Variants in FAM174B observed in about 807,000 individuals in gnomAD.
The protein encoded by FAM174B is family with sequence similarity 174 member B.
FAM174B carries 12 observed loss-of-function variants against 10.9 expected under a neutral mutation model. The observed-to-expected ratio is 1.10, with a 90% CI of 0.71 to 1.79. The LOEUF (loss-of-function observed/expected upper bound fraction) is 1.79, where lower values mean the gene tolerates loss of function less well. FAM174B is among the 40% of genes most tolerant of loss of function. The pLI is 0.00. For missense variants in FAM174B, 266 were observed against 233.3 expected (o/e 1.14, Z -0.91); for synonymous variants, 132 against 115.8 (o/e 1.14, Z -0.90).
At chr15:92,630,044 G>T in intron 2 of FAM174B, 170 bp downstream of exon 2, 1 of 519,318 alleles carries the variant, frequency 1.9e-6, no homozygotes. Flanking sequence ...TTTATTAGCA[G>T]CATGAAAATG....
chr15:92,644,038 G>T (rs888257034), intron 1 of FAM174B, among the ~76,000 whole-genome samples: 1 of 152,118 alleles, frequency 6.6e-6, no homozygotes, highest in Non-Finnish European at 1.5e-5. Context: ...TTTACCCTCT[G>T]AGCTCTACGC....
chr15:92,629,421 C>T (rs953137525), intron 2 of FAM174B, among the ~76,000 whole-genome samples: 16 of 152,190 alleles, frequency 1.1e-4, no homozygotes, highest in African/African-American at 1.7e-4. Context: ...TGGAGCTCAT[C>T]GGTAAACTCC....
At chr15:92,630,107 C>T in intron 2 of FAM174B, 107 bp downstream of exon 2, 3 of 1,178,280 alleles carry the variant, frequency 2.5e-6, no homozygotes, top group East Asian at 2.4e-5. Flanking sequence ...CCCCAGGACC[C>T]AACACTTCAC....
At chr15:92,635,006 C>G (rs2050844137) in intron 1 of FAM174B, among the ~76,000 whole-genome samples, 1 of 152,126 alleles carries the variant, frequency 6.6e-6, no homozygotes, top group Non-Finnish European at 1.5e-5. Flanking sequence ...GGACCTTATA[C>G]CATCAGCCCT....
chr15:92,643,287 G>A (rs908006926), intron 1 of FAM174B, among the ~76,000 whole-genome samples: 5 of 150,718 alleles, frequency 3.3e-5, no homozygotes, highest in African/African-American at 1.2e-4. Context: ...CTTTAAATGA[G>A]TGAATATAGT....
In FAM174B at chr15:92,655,458, A is replaced by C. The variant is rs746877649; in HGVS notation, c.202T>G (p.Ser68Ala). 111 of 630,592 alleles carry C rather than the reference A, an allele frequency of 1.8e-4. No homozygotes were observed. The highest frequency in any genetic ancestry group is 4.2e-4 in the Middle Eastern group (1 of 2,370). The allele number at this position is 630,592 out of a possible 1,614,324, so 39.1% of individuals were successfully genotyped here. A position where few individuals can be genotyped will look rare whatever the true frequency, so the allele number is the denominator to read the frequency against. The change falls in exon 1 of 3, where the codon TCC (serine) becomes GCC (alanine). Residue 68 changes from serine to alanine, a missense_variant. Ser to Ala is a moderately conservative substitution (Grantham distance 99). Transcript: ENST00000327355. The stretch of plus-strand genomic sequence containing the variant: ...GCGTCGCCACTGCTGTTGGAGCTGG[A>C]GCTGCCGCTGCCGCCCGCCGCCCCA... ...GSGAAGGSGS[S>A]SSNSSGDALV... is the part of the protein sequence containing the mutation.
intron 2 of FAM174B, among the ~76,000 whole-genome samples, chr15:92,624,736 AT>A (rs1229578294): frequency 1.3e-5 from 2 of 152,236 alleles, no homozygotes; most frequent in African/African-American, 2.4e-5. Context: ...ACGGGGCCAC[AT>A]CCTTTCCACA....
chr15:92,629,121 G>C (rs2050773724), intron 2 of FAM174B, among the ~76,000 whole-genome samples: 1 of 152,166 alleles, frequency 6.6e-6, no homozygotes, highest in Admixed American at 6.5e-5. Context: ...GGTGTGGAAG[G>C]CTTGCCTTCC....
chr15:92,617,891 T>C lies in FAM174B; in HGVS notation c.*1565A>G, dbSNP rs928021371. ...AGGCCCCCCGTGGCTGGCAATACCA[T>C]GCGTGCTGGGCCGGCTGCGCCACCC... On this transcript the variant is annotated 3_prime_UTR_variant, in exon 3 of 3. Coordinates refer to ENST00000327355, the MANE Select transcript of FAM174B (RefSeq NM_207446.3). The C allele has an allele frequency of 7.8e-5, 35 of 449,142 alleles. No homozygotes were observed. Among genetic ancestry groups the C allele is most frequent in the South Asian group, 7.2e-4 (15 of 20,732 alleles). The allele number at this position is 449,142 out of a possible 1,614,324, so 27.8% of individuals were successfully genotyped here. A position where few individuals can be genotyped will look rare whatever the true frequency, so the allele number is the denominator to read the frequency against.
At chr15:92,630,870 TTATATATTA>T (rs1466099784) in intron 1 of FAM174B, among the ~76,000 whole-genome samples, 3 of 48,370 alleles carry the variant, frequency 6.2e-5, no homozygotes, top group East Asian at 3.1e-4. Flanking sequence ...ATATTACATA[TTATATATTA>T]TATATTACGT....
intron 1 of FAM174B, among the ~76,000 whole-genome samples, chr15:92,647,279 C>A (rs2050934560): frequency 6.6e-6 from 1 of 152,196 alleles, no homozygotes; most frequent in African/African-American, 2.4e-5. Flanking sequence ...CTGCCAAGTC[C>A]TAATCGTCCT....
intron 2 of FAM174B, among the ~76,000 whole-genome samples, chr15:92,623,469 C>T (rs1018596487): frequency 2.0e-5 from 3 of 152,194 alleles, no homozygotes; most frequent in Admixed American, 6.5e-5. Flanking sequence ...TAGCTGCCAC[C>T]GCCCAGGCTT....
chr15:92,647,825 G>A (rs2050938596), intron 1 of FAM174B, among the ~76,000 whole-genome samples: 1 of 152,262 alleles, frequency 6.6e-6, no homozygotes, highest in Non-Finnish European at 1.5e-5. Flanking sequence ...TAGGCCTTTG[G>A]TGGATCTAGG....
intron 2 of FAM174B, among the ~76,000 whole-genome samples, chr15:92,622,765 G>A (rs1360222155): frequency 6.6e-6 from 1 of 152,232 alleles, no homozygotes; most frequent in Admixed American, 6.5e-5. Context: ...TCTCGAACTT[G>A]TAGGTTTCAC....
intron 2 of FAM174B, among the ~76,000 whole-genome samples, chr15:92,621,603 C>T (rs1379246581): frequency 2.5e-5 from 3 of 118,080 alleles, no homozygotes; most frequent in Non-Finnish European, 3.7e-5. Context: ...AGAGCAAGAT[C>T]GTCTCAAAAA....
intron 1 of FAM174B, among the ~76,000 whole-genome samples, chr15:92,647,773 G>A (rs1217959761): frequency 6.6e-6 from 1 of 152,098 alleles, no homozygotes; most frequent in Non-Finnish European, 1.5e-5. Flanking sequence ...CATCTTTTGT[G>A]GGAAAATTTT....
At chr15:92,631,403 T>C (rs1183382935) in intron 1 of FAM174B, among the ~76,000 whole-genome samples, 2 of 47,744 alleles carry the variant, frequency 4.2e-5, no homozygotes, top group Non-Finnish European at 6.9e-5. Flanking sequence ...TATTATATTA[T>C]ATTATATATA....
intron 2 of FAM174B, among the ~76,000 whole-genome samples, chr15:92,624,262 G>A (rs960644451): frequency 2.0e-5 from 3 of 152,152 alleles, no homozygotes; most frequent in African/African-American, 7.2e-5. Context: ...GCAGGTCACC[G>A]GCTCCTCTCT....
At chr15:92,640,892 G>A (rs550691162) in intron 1 of FAM174B, among the ~76,000 whole-genome samples, 68 of 152,058 alleles carry the variant, frequency 4.5e-4, no homozygotes, top group African/African-American at 1.5e-3. Flanking sequence ...TGATCCACCC[G>A]CCTCAGCCTC....
Sources: allele counts gnomAD v4.1 joint callset (sites outside exome capture counted in the v4.1 genomes callset), GRCh38; gene constraint gnomAD v4.1.1; transcripts MANE v1.5; gene names NCBI Gene and HGNC (gene_info 2026-07-23, HGNC 2026-07-21).